HECW2: variants seen among roughly 807,000 people sequenced by gnomAD.
HECW2 encodes the protein HECT, C2 and WW domain containing E3 ubiquitin protein ligase 2.
Under a neutral mutation model 175.2 loss-of-function variants are expected in HECW2, and 61 were observed. That is an observed-to-expected ratio of 0.35 (90% CI 0.28 to 0.43). The LOEUF (loss-of-function observed/expected upper bound fraction) is 0.43. HECW2 is among the 20% of genes least tolerant of loss of function. HECW2 has a pLI of 1.00. For missense variants in HECW2, 1,524 were observed against 2,000.5 expected (o/e 0.76, Z 4.54); for synonymous variants, 671 against 731.0 (o/e 0.92, Z 1.32).
intron 1 of HECW2, among the ~76,000 whole-genome samples, chr2:196,487,068 G>A (rs1368079078): frequency 1.3e-5 from 2 of 151,138 alleles, no homozygotes; most frequent in Non-Finnish European, 2.9e-5. Context: ...AGAATCGCTT[G>A]AACCCAGGAG....
chr2:196,550,601 C>G (rs533276365), intron 1 of HECW2, among the ~76,000 whole-genome samples: 1 of 152,314 alleles, frequency 6.6e-6, no homozygotes, highest in East Asian at 1.9e-4. Context: ...TCCAGACTTT[C>G]TTTTCCATTC....
rs2105750299 is a variant in HECW2 at position 196,200,491 on chromosome 2, T to C, written c.*786A>G. 6.5e-6 allele frequency: 1 copy of C among 152,722 alleles called. No homozygotes were observed. Among genetic ancestry groups the C allele is most frequent in the Middle Eastern group, 3.4e-3 (1 of 294 alleles). 9.5% of individuals were successfully genotyped at this position (152,722 alleles called of 1,614,324 possible). The stretch of plus-strand genomic sequence containing the variant: ...ATATACATCTTAAAGAACATAAACA[T>C]AATGAACCTACAAAAAATAAACAGA... On this transcript the variant is annotated 3_prime_UTR_variant, in exon 29 of 29. Transcript: ENST00000644978.
At chr2:196,306,373 A>G (rs2105706117) in intron 13 of HECW2, 115 bp downstream of exon 13, 1 of 1,120,856 alleles carries the variant, frequency 8.9e-7, no homozygotes, top group East Asian at 2.6e-5. Flanking sequence ...AGCTTGGAAC[A>G]CACTAAGTGC....
At chr2:196,482,218 G>T (rs1449636258) in intron 1 of HECW2, among the ~76,000 whole-genome samples, 1 of 152,206 alleles carries the variant, frequency 6.6e-6, no homozygotes, top group Non-Finnish European at 1.5e-5. Context: ...GCATGCAAGG[G>T]CCTTGTCCCA....
intron 1 of HECW2, among the ~76,000 whole-genome samples, chr2:196,591,025 G>A (rs1691170558): frequency 4.6e-5 from 7 of 152,172 alleles, no homozygotes. Context: ...CTAGCTTTGT[G>A]ATCTGGTTGC....
intron 1 of HECW2, among the ~76,000 whole-genome samples, chr2:196,572,820 A>T (rs1038766321): frequency 6.6e-6 from 1 of 152,132 alleles, no homozygotes; most frequent in Non-Finnish European, 1.5e-5. Flanking sequence ...AGCTGTCTAT[A>T]AGCCAGAAAG....
At chr2:196,464,105 T>G (rs1696853866) in intron 1 of HECW2, among the ~76,000 whole-genome samples, 1 of 152,118 alleles carries the variant, frequency 6.6e-6, no homozygotes, top group Non-Finnish European at 1.5e-5. Context: ...TACCCACTTT[T>G]GCGGCCATTA....
At chr2:196,578,139 C>T (rs999469977) in intron 1 of HECW2, among the ~76,000 whole-genome samples, 7 of 151,982 alleles carry the variant, frequency 4.6e-5, no homozygotes, top group South Asian at 2.1e-4. Context: ...AAAAATGATG[C>T]TTCACCAAAG....
At chr2:196,306,421 A>T in intron 13 of HECW2, 67 bp downstream of exon 13, 1 of 1,473,016 alleles carries the variant, frequency 6.8e-7, no homozygotes, top group Non-Finnish European at 9.3e-7. Flanking sequence ...TGCTATTACT[A>T]CAGAAACAAC....
At chr2:196,214,794 A>G (rs970492342) in intron 28 of HECW2, among the ~76,000 whole-genome samples, 3 of 152,214 alleles carry the variant, frequency 2.0e-5, no homozygotes, top group Non-Finnish European at 4.4e-5. Context: ...AAGAACTGGC[A>G]TCTTTCAATT....
At chr2:196,428,590 T>C (rs1695615886) in intron 2 of HECW2, among the ~76,000 whole-genome samples, 2 of 152,232 alleles carry the variant, frequency 1.3e-5, no homozygotes, top group South Asian at 4.1e-4. Context: ...ATTTGAAAGA[T>C]TATTCCCAAC....
chr2:196,233,043 T>C (rs1391861075), intron 21 of HECW2, among the ~76,000 whole-genome samples: 2 of 152,216 alleles, frequency 1.3e-5, no homozygotes, highest in African/African-American at 4.8e-5. Flanking sequence ...GCTAACTCAG[T>C]AAAACATGTC....
At chr2:196,473,951 C>T (rs1697318323) in intron 1 of HECW2, among the ~76,000 whole-genome samples, 1 of 152,132 alleles carries the variant, frequency 6.6e-6, no homozygotes, top group African/African-American at 2.4e-5. Context: ...TGGGCTTTTG[C>T]CTGATACAAT....
intron 1 of HECW2, among the ~76,000 whole-genome samples, chr2:196,510,753 A>G (rs1687920621): frequency 6.6e-6 from 1 of 152,170 alleles, no homozygotes; most frequent in Admixed American, 6.5e-5. Flanking sequence ...AAGAGCTTAT[A>G]GAGAAGTAGT....
At chr2:196,392,528 T>C (rs1464229941) in intron 2 of HECW2, among the ~76,000 whole-genome samples, 1 of 152,176 alleles carries the variant, frequency 6.6e-6, no homozygotes, top group Non-Finnish European at 1.5e-5. Context: ...TTGTCAGCAA[T>C]GCAACACAAG....
At chr2:196,430,364 T>C (rs1695673731) in intron 2 of HECW2, among the ~76,000 whole-genome samples, 1 of 151,592 alleles carries the variant, frequency 6.6e-6, no homozygotes, top group Admixed American at 6.6e-5. Context: ...ATCCTTAATA[T>C]CCAGTGTAAA....
chr2:196,522,632 AT>A (rs1688447509), intron 1 of HECW2, among the ~76,000 whole-genome samples: 1 of 151,940 alleles, frequency 6.6e-6, no homozygotes, highest in Admixed American at 6.6e-5. Context: ...TAAATCTTTA[AT>A]CCATCTTGAA....
At chr2:196,420,238 A>G (rs957905186) in intron 2 of HECW2, among the ~76,000 whole-genome samples, 1 of 152,240 alleles carries the variant, frequency 6.6e-6, no homozygotes, top group African/African-American at 2.4e-5. Context: ...GAGTTGCTCA[A>G]TGCAGTTTCT....
intron 1 of HECW2, among the ~76,000 whole-genome samples, chr2:196,450,439 T>C (rs371527563): frequency 6.6e-6 from 1 of 151,406 alleles, no homozygotes; most frequent in East Asian, 1.9e-4. Context: ...TTGTCTAGTC[T>C]CCAAATCTAC....
Sources: gnomAD v4.1 joint callset for allele counts (sites outside exome capture counted in the v4.1 genomes callset) on GRCh38, gnomAD v4.1.1 for gene constraint, MANE v1.5 for transcripts, NCBI Gene and HGNC (gene_info 2026-07-23, HGNC 2026-07-21) for gene names.